JPH1: variants seen among roughly 807,000 people sequenced by gnomAD.
JPH1 encodes the protein junctophilin-1.
In JPH1, 12 loss-of-function variants were observed where a neutral mutation model predicts 53.6. That is an observed-to-expected ratio of 0.22 (90% CI 0.14 to 0.36). The LOEUF is 0.36. JPH1 is among the 10% of genes least tolerant of loss of function. The probability of loss-of-function intolerance (pLI) is 1.00; values close to 1 mark genes in which losing one functional copy is unlikely to be tolerated. For missense variants in JPH1, 808 were observed against 905.5 expected (o/e 0.89, Z 1.38); for synonymous variants, 375 against 363.8 (o/e 1.03, Z -0.35).
chr8:74,254,010 A>T (rs1158265989), intron 3 of JPH1, among the ~76,000 whole-genome samples: 1 of 152,140 alleles, frequency 6.6e-6, no homozygotes, highest in African/African-American at 2.4e-5. Flanking sequence ...TCCAATCAAT[A>T]GAAAAAGAGG....
chr8:74,243,252 C>T (rs1480871312), intron 4 of JPH1, among the ~76,000 whole-genome samples: 5 of 152,190 alleles, frequency 3.3e-5, no homozygotes, highest in Non-Finnish European at 7.3e-5. Flanking sequence ...TGTCAAGATA[C>T]TGTCATATTA....
rs552109859 is a variant in JPH1, at chr8:74,282,978, TATA to T, written c.1140-23478_1140-23476del. Among the ~76,000 whole-genome samples, 10 of 152,306 alleles carry T rather than the reference TATA, an allele frequency of 6.6e-5. No homozygotes were observed. The South Asian group carries it at 1.9e-3, about 28-fold the overall frequency. ...AACATAATAAATGAATTTAAATGGG[TATA>T]ATATTTTACTAGAGGTATTTTAATG... On this transcript the variant is annotated intron_variant, in intron 2 of 5. Coordinates refer to ENST00000342232, the MANE Select transcript of JPH1 (RefSeq NM_020647.4).
chr8:74,321,337 T>A lies in JPH1; in HGVS notation c.-50A>T. The A allele has an allele frequency of 2.0e-6, 3 of 1,463,772 alleles. No homozygotes were observed. The highest frequency in any genetic ancestry group is 2.7e-6 in the Non-Finnish European group (3 of 1,108,958). 90.7% of individuals were successfully genotyped at this position (1,463,772 alleles called of 1,614,324 possible). ...CCCGCAGGGGCACGGACGCGGGCAG[T>A]GCTGGGCACGGCAGGGTGTAGCTCG... On this transcript the variant is annotated 5_prime_UTR_variant, in exon 1 of 6. Coordinates refer to ENST00000342232, the MANE Select transcript of JPH1 (RefSeq NM_020647.4). The surrounding 1 kb of genome is among the most constrained non-coding windows in gnomAD (Gnocchi z 4.3).
intron 2 of JPH1, among the ~76,000 whole-genome samples, chr8:74,271,573 C>T (rs1222109686): frequency 4.6e-5 from 7 of 152,230 alleles, no homozygotes; most frequent in East Asian, 1.9e-4. Context: ...TGTGAAAAAT[C>T]CCCTTCCATT....
At chr8:74,285,475 AGT>A (rs902705405) in intron 2 of JPH1, among the ~76,000 whole-genome samples, 3 of 152,178 alleles carry the variant, frequency 2.0e-5, no homozygotes, top group Admixed American at 2.0e-4. Context: ...CCTAGGATGC[AGT>A]GTTTTCTGAG....
intron 2 of JPH1, among the ~76,000 whole-genome samples, chr8:74,281,450 T>C (rs181525719): frequency 3.2e-4 from 48 of 152,362 alleles, no homozygotes; most frequent in African/African-American, 1.2e-3. Flanking sequence ...CAGATGTGTC[T>C]ACCCAATTAT....
chr8:74,270,918 G>A lies in JPH1; in HGVS notation c.1140-11415C>T, dbSNP rs185521544. On this transcript the variant is annotated intron_variant, in intron 2 of 5. Transcript: ENST00000342232. ...TTGATTCTGGGCCCTGGGATGCCAC[G>A]GCTGTTGGTGGGATGGATGGACTCC... Among the ~76,000 whole-genome samples, 222 of 152,180 alleles carry A rather than the reference G, an allele frequency of 1.5e-3. 1 individual carries two copies. The highest frequency in any genetic ancestry group is 1.9e-4 in the East Asian group (1 of 5,180).
intron 4 of JPH1, among the ~76,000 whole-genome samples, chr8:74,242,386 G>A (rs1805722471): frequency 6.6e-6 from 1 of 152,216 alleles, no homozygotes; most frequent in South Asian, 2.1e-4. Context: ...GATAGGTACA[G>A]ATGAGGAAAC....
At chr8:74,279,997 C>T (rs1047193097) in intron 2 of JPH1, among the ~76,000 whole-genome samples, 1 of 151,970 alleles carries the variant, frequency 6.6e-6, no homozygotes, top group Non-Finnish European at 1.5e-5. Flanking sequence ...AATTTTTTTG[C>T]TTTGGTAAAT....
chr8:74,309,865 A>T (rs16938868), intron 2 of JPH1, among the ~76,000 whole-genome samples: 9,499 of 152,266 alleles, frequency 0.062, 1,007 homozygotes, highest in African/African-American at 0.22. Flanking sequence ...TCTCTTGCCC[A>T]TTCCAGATCT....
At chr8:74,250,763 T>C (rs1225087453) in intron 3 of JPH1, among the ~76,000 whole-genome samples, 2 of 152,282 alleles carry the variant, frequency 1.3e-5, no homozygotes, top group East Asian at 3.9e-4. Context: ...CTTGCTGGCA[T>C]AGAAACCTGA....
chr8:74,254,574 C>T (rs1166697980), intron 3 of JPH1, among the ~76,000 whole-genome samples: 12 of 151,932 alleles, frequency 7.9e-5, no homozygotes, highest in Non-Finnish European at 1.8e-4. Context: ...AAATAAAGGG[C>T]ATTCAATTAG....
At chr8:74,269,950 T>C (rs1194809952) in intron 2 of JPH1, among the ~76,000 whole-genome samples, 1 of 152,254 alleles carries the variant, frequency 6.6e-6, no homozygotes, top group African/African-American at 2.4e-5. Flanking sequence ...AATTCATTTA[T>C]ATCTAGAGTT....
rs142421841 is a variant in JPH1, at chr8:74,244,830, C to T, written c.1604G>A (p.Arg535His). ...GTTACTGGGGTTGGGGATGTGGTGG[C>T]GGCCAGAGTACTTGGACTGGGGCAC... ...AVVPQSKYSG[R>H]HHIPNPSNGE... is the part of the protein sequence containing the mutation. Residue 535 changes from arginine (R) to histidine (H), a missense_variant, in exon 4 of 6, where the codon CGC becomes CAC. Arg to His is a conservative substitution (Grantham distance 29). This residue lies in a region of JPH1 where 756 missense variants were observed against 811.9 expected (regional missense o/e 0.93). Transcript: ENST00000342232. 46 of 1,614,022 alleles carry T rather than the reference C, an allele frequency of 2.9e-5. No individual in the cohort carries two copies. Among genetic ancestry groups the T allele is most frequent in the East Asian group, 1.8e-4 (8 of 44,898 alleles).
chr8:74,288,915 A>G (rs1807245138), intron 2 of JPH1, among the ~76,000 whole-genome samples: 1 of 152,238 alleles, frequency 6.6e-6, no homozygotes, highest in Non-Finnish European at 1.5e-5. Flanking sequence ...AGATATTTTA[A>G]GTATGTAGAG....
At chr8:74,265,348 T>C (rs897154003) in intron 2 of JPH1, among the ~76,000 whole-genome samples, 2 of 152,326 alleles carry the variant, frequency 1.3e-5, no homozygotes, top group Admixed American at 1.3e-4. Flanking sequence ...TTAAGTACTT[T>C]ATAGACTTTA....
chr8:74,291,215 T>G (rs944964580), intron 2 of JPH1, among the ~76,000 whole-genome samples: 3 of 151,826 alleles, frequency 2.0e-5, no homozygotes, highest in Admixed American at 6.6e-5. Context: ...TGGGAGAAAA[T>G]TTTTACAATC....
chr8:74,269,651 A>G (rs192903782), intron 2 of JPH1, among the ~76,000 whole-genome samples: 4 of 152,344 alleles, frequency 2.6e-5, no homozygotes, highest in Admixed American at 2.6e-4. Context: ...CACTGTTTGA[A>G]CTGAAAGGGG....
At chr8:74,260,656 A>G (rs1806370190) in intron 2 of JPH1, among the ~76,000 whole-genome samples, 1 of 152,004 alleles carries the variant, frequency 6.6e-6, no homozygotes, top group South Asian at 2.1e-4. Flanking sequence ...CTTCAGGGAG[A>G]ACACACGGGC....
Sources: allele counts gnomAD v4.1 joint callset (sites outside exome capture counted in the v4.1 genomes callset), GRCh38; gene constraint gnomAD v4.1.1; regional missense constraint gnomAD v4.1.1; non-coding constraint Gnocchi (gnomAD v3.1); transcripts MANE v1.5; gene names NCBI Gene and HGNC (gene_info 2026-07-23, HGNC 2026-07-21).